The following GRIK2 variants were observed in gnomAD, a reference collection of about 807,000 sequenced individuals.
The protein encoded by GRIK2 is glutamate receptor ionotropic, kainate 2.
GRIK2 carries 32 observed loss-of-function variants against 100.3 expected under a neutral mutation model. The observed-to-expected ratio is 0.32, with a 90% CI of 0.24 to 0.43. GRIK2 has a LOEUF of 0.43. GRIK2 is among the 20% of genes least tolerant of loss of function. The pLI is 1.00. For synonymous variants in GRIK2, 417 were observed against 389.4 expected, an observed-to-expected ratio of 1.07 and a Z score of -0.83; for missense variants, 843 against 1,114.9, an observed-to-expected ratio of 0.76 and a Z score of 3.47.
At chr6:101,426,488 C>T (rs1015195280) in intron 2 of GRIK2, among the ~76,000 whole-genome samples, 2 of 152,192 alleles carry the variant, frequency 1.3e-5, no homozygotes, top group Non-Finnish European at 2.9e-5. Context: ...CCTCCCTACA[C>T]TTCCCAGCCT....
At chr6:101,536,198 C>A (rs1009504720) in intron 2 of GRIK2, among the ~76,000 whole-genome samples, 3 of 151,640 alleles carry the variant, frequency 2.0e-5, no homozygotes. Context: ...AAAAAGCGTT[C>A]AGGGATGATG....
At chr6:101,513,340 G>T (rs1361546096) in intron 2 of GRIK2, among the ~76,000 whole-genome samples, 1 of 152,120 alleles carries the variant, frequency 6.6e-6, no homozygotes, top group Non-Finnish European at 1.5e-5. Context: ...AATAAAGATT[G>T]TGCAGCACAA....
At chr6:101,457,818 T>C (rs1268886869) in intron 2 of GRIK2, among the ~76,000 whole-genome samples, 1 of 152,152 alleles carries the variant, frequency 6.6e-6, no homozygotes, top group African/African-American at 2.4e-5. Context: ...AGTCACTCCC[T>C]AGATGCCACA....
intron 2 of GRIK2, among the ~76,000 whole-genome samples, chr6:101,597,825 G>T (rs1778995448): frequency 6.6e-6 from 1 of 151,658 alleles, no homozygotes; most frequent in East Asian, 1.9e-4. Context: ...TAACCAAGAT[G>T]TCATCAGGGC....
rs543954286 is a variant in GRIK2, at chr6:101,510,996, T to C, written c.116-110953T>C. 1.5e-3 allele frequency among the ~76,000 whole-genome samples: 233 copies of C among 152,322 alleles called. 1 individual carries two copies. Among genetic ancestry groups the C allele is most frequent in the Non-Finnish European group, 1.9e-3 (131 of 68,022 alleles). ...TATAACACAAAGCATGGGGAGACTT[T>C]ATCAAATCACATGTTGCATTAAGTG... On this transcript the variant is annotated intron_variant, in intron 2 of 16. Coordinates refer to ENST00000369134, the MANE Select transcript of GRIK2 (RefSeq NM_021956.5).
intron 14 of GRIK2, among the ~76,000 whole-genome samples, chr6:102,010,365 T>TC (rs1159685502): frequency 6.9e-6 from 1 of 144,536 alleles, no homozygotes; most frequent in Non-Finnish European, 1.5e-5. Context: ...CTCCTCCTCC[T>TC]CCCCCCACTT....
intron 2 of GRIK2, among the ~76,000 whole-genome samples, chr6:101,551,473 A>G (rs1776505195): frequency 6.6e-6 from 1 of 152,134 alleles, no homozygotes; most frequent in Non-Finnish European, 1.5e-5. Flanking sequence ...GAGTAAGAAG[A>G]CACTGCAGGA....
intron 2 of GRIK2, among the ~76,000 whole-genome samples, chr6:101,424,551 TC>T (rs1328472786): frequency 6.6e-6 from 1 of 150,422 alleles, no homozygotes; most frequent in African/African-American, 2.5e-5. Context: ...TGCCACATTT[TC>T]TTTTTTTTTC....
intron 12 of GRIK2, 94 bp downstream of exon 12, chr6:101,889,957 G>A (rs1786934850): frequency 1.3e-6 from 1 of 746,196 alleles, no homozygotes; most frequent in Admixed American, 2.3e-5. Flanking sequence ...TACTTTTTCT[G>A]TTCTTTATTT....
rs1172894767 is a variant in GRIK2 at position 102,054,681 on chromosome 6, A to G, written c.2312-649A>G. 6.6e-5 allele frequency among the ~76,000 whole-genome samples: 10 copies of G among 152,186 alleles called. No homozygotes were observed. The East Asian group carries it at 1.9e-3, about 29-fold the overall frequency. ...ACCTTGTCTCCTATAAAATAAATTG[A>G]TAAAGGAACAACGCCCCAAATGTTT... On this transcript the variant is annotated intron_variant, in intron 15 of 16. Transcript: ENST00000369134.
At chr6:101,584,545 C>T (rs117544764) in intron 2 of GRIK2, among the ~76,000 whole-genome samples, 177 of 151,952 alleles carry the variant, frequency 1.2e-3, no homozygotes, top group Non-Finnish European at 1.9e-3. Flanking sequence ...GAATATAGGA[C>T]TATTTGAGGA....
rs998096750 is a variant in GRIK2 at position 101,859,643 on chromosome 6, T to C, written c.1524+150T>C. On this transcript the variant is annotated intron_variant, in intron 11 of 16. Transcript: ENST00000369134. ...TTTTATTTAAGCTAGATAGTATTTG[T>C]CACTAAATGTAAAGAATCTAAGAGG... 9.8e-6 allele frequency: 6 copies of C among 613,850 alleles called. No individual in the cohort carries two copies. In the African/African-American group the frequency reaches 1.1e-4, roughly 11 times the overall value. The allele number at this position is 613,850 out of a possible 1,614,324, so 38.0% of individuals were successfully genotyped here.
chr6:101,708,660 T>C (rs1184637346), intron 7 of GRIK2, among the ~76,000 whole-genome samples: 1 of 151,836 alleles, frequency 6.6e-6, no homozygotes, highest in African/African-American at 2.4e-5. Flanking sequence ...TTTTTATATA[T>C]ATGAATCTCC....
intron 2 of GRIK2, among the ~76,000 whole-genome samples, chr6:101,493,749 T>C (rs977880437): frequency 5.9e-5 from 9 of 151,384 alleles, no homozygotes; most frequent in African/African-American, 1.2e-4. Context: ...AAAAACATTA[T>C]ATATTATTGG....
chr6:102,027,362 A>G (rs545560892), intron 14 of GRIK2, among the ~76,000 whole-genome samples: 2 of 151,314 alleles, frequency 1.3e-5, no homozygotes, highest in East Asian at 3.9e-4. Context: ...TAAAACTTTT[A>G]TTTATAAATG....
At chr6:101,643,982 T>G (rs980934517) in intron 4 of GRIK2, among the ~76,000 whole-genome samples, 4 of 151,792 alleles carry the variant, frequency 2.6e-5, no homozygotes, top group Non-Finnish European at 4.4e-5. Flanking sequence ...GTCCATCACA[T>G]TCTTTAATTT....
intron 2 of GRIK2, among the ~76,000 whole-genome samples, chr6:101,604,484 A>C (rs1294682948): frequency 6.6e-6 from 1 of 151,932 alleles, no homozygotes; most frequent in Non-Finnish European, 1.5e-5. Context: ...ATCTATAATT[A>C]AGTGATGAAT....
chr6:101,829,678 C>A (rs545081240), intron 10 of GRIK2, among the ~76,000 whole-genome samples: 1 of 151,604 alleles, frequency 6.6e-6, no homozygotes, highest in African/African-American at 2.4e-5. Flanking sequence ...TAGGAATACA[C>A]CTAATTAAAA....
At chr6:101,486,035 T>C (rs955248452) in intron 2 of GRIK2, among the ~76,000 whole-genome samples, 2 of 152,050 alleles carry the variant, frequency 1.3e-5, no homozygotes, top group Non-Finnish European at 2.9e-5. Flanking sequence ...TACATGAAAT[T>C]CAATCAATCA....
Sources: allele counts gnomAD v4.1 joint callset (sites outside exome capture counted in the v4.1 genomes callset), GRCh38; gene constraint gnomAD v4.1.1; transcripts MANE v1.5; gene names NCBI Gene and HGNC (gene_info 2026-07-23, HGNC 2026-07-21).